Variants in NRXN3 observed in about 807,000 individuals in gnomAD.
NRXN3 encodes neurexin III.
NRXN3 carries 32 observed loss-of-function variants against 137.6 expected under a neutral mutation model. The observed-to-expected ratio is 0.23, with a 90% confidence interval of 0.18 to 0.31. The LOEUF is 0.31. Among genes scored for constraint, NRXN3 ranks in the 10% least tolerant of loss-of-function variants. The pLI, the probability that NRXN3 is intolerant of heterozygous loss-of-function variation, is 1.00. For synonymous variants in NRXN3, 798 were observed against 784.5 expected (o/e 1.02, Z -0.29); for missense variants, 1,574 against 2,062.5 (o/e 0.76, Z 4.59).
At chr14:78,949,467 A>C (rs915469226) in intron 10 of NRXN3, among the ~76,000 whole-genome samples, 3 of 151,720 alleles carry the variant, frequency 2.0e-5, no homozygotes, top group African/African-American at 7.3e-5. Flanking sequence ...TAATTTATTC[A>C]GTTTTATTTA....
At chr14:79,807,495 T>C (rs555989219) in intron 20 of NRXN3, among the ~76,000 whole-genome samples, 3 of 152,306 alleles carry the variant, frequency 2.0e-5, no homozygotes, top group South Asian at 4.1e-4. Context: ...CTATTTGTTA[T>C]GAGACTTGAA....
chr14:79,133,818 A>G (rs1196651361), intron 15 of NRXN3, among the ~76,000 whole-genome samples: 1 of 151,614 alleles, frequency 6.6e-6, no homozygotes, highest in Non-Finnish European at 1.5e-5. Context: ...AGTCCCAGCT[A>G]CTCGGGAGGC....
chr14:79,413,103 A>G (rs909580180), intron 15 of NRXN3, among the ~76,000 whole-genome samples: 2 of 152,168 alleles, frequency 1.3e-5, no homozygotes, highest in Non-Finnish European at 2.9e-5. Flanking sequence ...AAGCACGATC[A>G]TTGGAGTTAC....
At chr14:78,658,550 G>A (rs1231050831) in intron 6 of NRXN3, among the ~76,000 whole-genome samples, 1 of 152,172 alleles carries the variant, frequency 6.6e-6, no homozygotes, top group African/African-American at 2.4e-5. Flanking sequence ...AGAGTCCAAT[G>A]TAGTTTAATT....
In NRXN3 at chr14:78,347,143, C is replaced by T. The variant is rs116932003; in HGVS notation, c.757+49283C>T. On this transcript the variant is annotated intron_variant, in intron 4 of 20. Coordinates refer to ENST00000335750, the MANE Select transcript of NRXN3 (RefSeq NM_001330195.2). ...TATGAATTGCCGTCAATTACAATCC[C>T]GGCGACAAATGCGGATGCTGGGAGA... Among the ~76,000 whole-genome samples the T allele has an allele frequency of 7.4e-4, 113 of 152,294 alleles. 1 individual carries two copies. The highest frequency in any genetic ancestry group is 1.2e-3 in the Admixed American group (19 of 15,300).
At chr14:78,641,009 T>G (rs1051445405) in intron 4 of NRXN3, among the ~76,000 whole-genome samples, 2 of 152,192 alleles carry the variant, frequency 1.3e-5, no homozygotes, top group Non-Finnish European at 2.9e-5. Flanking sequence ...CTCCACCTAT[T>G]TAGCTTGAAT....
intron 4 of NRXN3, among the ~76,000 whole-genome samples, chr14:78,506,523 T>C (rs1001012212): frequency 3.9e-5 from 6 of 152,100 alleles, no homozygotes; most frequent in African/African-American, 1.4e-4. Flanking sequence ...TCATACTACA[T>C]TCCTACCAAC....
At position 79,668,580 on chromosome 14, in the gene NRXN3, C is replaced by T. The variant is rs140635184; in HGVS notation, c.3616+4631C>T. On this transcript the variant is annotated intron_variant, in intron 17 of 20. Transcript: ENST00000335750. ...AGAGCCACGATTTTATTAATAATGA[C>T]AGTATTTCTTTTTGTAAAAACATAT... Among the ~76,000 whole-genome samples, 115 of 152,216 alleles carry T rather than the reference C, an allele frequency of 7.6e-4. 2 individuals carry two copies. The highest frequency in any genetic ancestry group is 2.2e-3 in the Admixed American group (33 of 15,274).
At chr14:79,663,247 CGTGT>C (rs145244363) in intron 16 of NRXN3, among the ~76,000 whole-genome samples, 9 of 149,468 alleles carry the variant, frequency 6.0e-5, no homozygotes, top group East Asian at 4.0e-4. Context: ...TGTGTGTACG[CGTGT>C]GTGTGTGTGT....
chr14:78,551,493 C>A (rs2098518), intron 4 of NRXN3, among the ~76,000 whole-genome samples: 1 of 151,758 alleles, frequency 6.6e-6, no homozygotes, highest in Non-Finnish European at 1.5e-5. Context: ...TTTGCTCTTC[C>A]TCTTCCCTTC....
In NRXN3 at chr14:78,636,733, C is replaced by T. The variant is rs138082792; in HGVS notation, c.758-8387C>T. ...TTGCTTATATGGATCTGGTGGTTGA[C>T]GGAAAGTAAAATATACAGTACATTA... is the stretch of plus-strand genomic sequence containing the variant. On this transcript the variant is annotated intron_variant, in intron 4 of 20. Coordinates refer to ENST00000335750, the MANE Select transcript of NRXN3 (RefSeq NM_001330195.2). 1.5e-3 allele frequency among the ~76,000 whole-genome samples: 226 copies of T among 152,062 alleles called. 1 individual carries two copies. The highest frequency in any genetic ancestry group is 4.6e-3 in the African/African-American group (192 of 41,458).
chr14:79,497,420 C>T (rs1449108689), intron 16 of NRXN3, among the ~76,000 whole-genome samples: 1 of 152,018 alleles, frequency 6.6e-6, no homozygotes, highest in Non-Finnish European at 1.5e-5. Flanking sequence ...TCCTTTCCCA[C>T]CTCCCTCCAA....
intron 19 of NRXN3, among the ~76,000 whole-genome samples, chr14:79,706,805 C>G (rs369020463): frequency 1.3e-5 from 2 of 152,138 alleles, no homozygotes; most frequent in Admixed American, 1.3e-4. Flanking sequence ...ACACCGCCCC[C>G]CTTTCACCGT....
intron 10 of NRXN3, among the ~76,000 whole-genome samples, chr14:78,849,860 A>T (rs1299102544): frequency 6.6e-6 from 1 of 152,120 alleles, no homozygotes; most frequent in Non-Finnish European, 1.5e-5. Flanking sequence ...ACAAAGCTTT[A>T]AGTGGAATTT....
chr14:78,344,596 G>C (rs1436373209), intron 4 of NRXN3, among the ~76,000 whole-genome samples: 2 of 152,190 alleles, frequency 1.3e-5, no homozygotes, highest in African/African-American at 4.8e-5. Context: ...CTGCTGCTCT[G>C]ACGTGGCTGC....
At chr14:78,913,274 C>CTTTTTTTTTT (rs1157942892) in intron 10 of NRXN3, among the ~76,000 whole-genome samples, 23 of 47,850 alleles carry the variant, frequency 4.8e-4, no homozygotes, top group East Asian at 1.6e-3. Flanking sequence ...TTCTTTCTTT[C>CTTTTTTTTTT]TTTTTTTTTT....
chr14:79,339,107 C>T (rs1780632962), intron 15 of NRXN3, among the ~76,000 whole-genome samples: 1 of 152,152 alleles, frequency 6.6e-6, no homozygotes, highest in African/African-American at 2.4e-5. Context: ...ACACCAACAG[C>T]CTATGATGAA....
intron 15 of NRXN3, chr14:79,280,589 C>G (rs538791084): frequency 1.3e-5 from 20 of 1,521,266 alleles, no homozygotes; most frequent in East Asian, 9.1e-5. Context: ...AATTCGCTAA[C>G]CCACTAGCCT....
chr14:78,951,754 A>C (rs1176301499), intron 10 of NRXN3, among the ~76,000 whole-genome samples: 3 of 152,182 alleles, frequency 2.0e-5, no homozygotes, highest in Non-Finnish European at 4.4e-5. Flanking sequence ...ATGTGACCAC[A>C]GTGCCTGGTT....
Sources: gnomAD v4.1 joint callset for allele counts (sites outside exome capture counted in the v4.1 genomes callset) on GRCh38, gnomAD v4.1.1 for gene constraint, MANE v1.5 for transcripts, NCBI Gene and HGNC (gene_info 2026-07-23, HGNC 2026-07-21) for gene names.